Variants in DNAH6 observed in about 807,000 individuals in gnomAD.
DNAH6 encodes the protein dynein axonemal heavy chain 6.
A neutral mutation model predicts 491.4 loss-of-function variants in DNAH6; 340 were observed. That is an observed-to-expected ratio of 0.69 (90% confidence interval 0.63 to 0.76). The LOEUF (loss-of-function observed/expected upper bound fraction) is 0.76, where lower values mean the gene tolerates loss of function less well. Ranked by LOEUF, DNAH6 falls within the 30% of genes least tolerant of loss-of-function variation. DNAH6 has a pLI of 0.00. For missense variants in DNAH6, 4,443 were observed against 4,972.2 expected, an observed-to-expected ratio of 0.89 and a Z score of 3.20; for synonymous variants, 1,603 against 1,686.1, an observed-to-expected ratio of 0.95 and a Z score of 1.21.
intron 60 of DNAH6, among the ~76,000 whole-genome samples, chr2:84,726,754 C>G (rs995119761): frequency 1.1e-4 from 16 of 151,268 alleles, no homozygotes; most frequent in African/African-American, 3.4e-4. Context: ...GCACATGTAC[C>G]CTAAAACTTA....
intron 31 of DNAH6, among the ~76,000 whole-genome samples, chr2:84,639,158 G>A (rs1689145266): frequency 6.6e-6 from 1 of 152,140 alleles, no homozygotes; most frequent in Non-Finnish European, 1.5e-5. Context: ...GCATGGTGGG[G>A]TGGGGGGCAG....
Position 84,770,618 on chromosome 2 carries a change from G to T in DNAH6, c.10703+7673G>T, listed in dbSNP as rs375133333. Among the ~76,000 whole-genome samples the T allele has an allele frequency of 3.9e-5, 6 of 152,180 alleles. 1 individual carries two copies. The Middle Eastern group carries it at 0.01, about 259-fold the overall frequency. On this transcript the variant is annotated intron_variant, in intron 64 of 76. Coordinates refer to ENST00000389394, the MANE Select transcript of DNAH6 (RefSeq NM_001370.2). ...ATACAACAATAGATGTTAAGAAACA[G>T]AAGAAAATGTCACGAACATGCAGAT... is the stretch of plus-strand genomic sequence containing the variant.
At position 84,735,522 on chromosome 2, in the gene DNAH6, G is replaced by A. The variant is rs528063238; in HGVS notation, c.10342+1943G>A. Reference sequence around the variant, plus strand: ...TTGTATTCTCAGCAACAGTATGTAAGCATTCTCTTTTCTCCACAACCTTGC... The same window carrying A: ...TTGTATTCTCAGCAACAGTATGTAAACATTCTCTTTTCTCCACAACCTTGC... On this transcript the variant is annotated intron_variant, in intron 62 of 76. Transcript: ENST00000389394. 1.8e-4 allele frequency among the ~76,000 whole-genome samples: 28 copies of A among 152,274 alleles called. No homozygotes were observed. In the South Asian group the frequency reaches 5.8e-3, roughly 32 times the overall value.
At chr2:84,527,195 T>C (rs546872337) in intron 3 of DNAH6, among the ~76,000 whole-genome samples, 3 of 152,174 alleles carry the variant, frequency 2.0e-5, no homozygotes, top group Non-Finnish European at 4.4e-5. Flanking sequence ...CTCTGTTAAT[T>C]AAGGAAGAAA....
rs1461656808 is a variant in DNAH6 at position 84,813,996 on chromosome 2, A to G, written c.12024A>G (p.Lys4008=). 12 of 1,551,610 alleles carry G rather than the reference A, an allele frequency of 7.7e-6. No individual in the cohort carries two copies. The Middle Eastern group carries it at 6.7e-4, about 86-fold the overall frequency. ...GAACTCTTCAAAATCATGCTCGAAA[A>G]TACAATTTGCCTATAGATGAGCTGA... The part of the protein sequence containing the change: ...LTGTLQNHAR[K]YNLPIDELSF... The change falls in exon 75 of 77, where the codon AAA becomes AAG. Residue 4008 remains lysine, a synonymous_variant. Transcript: ENST00000389394.
At position 84,589,628 on chromosome 2, in the gene DNAH6, T is replaced by C. The variant is rs142495731; in HGVS notation, c.2610+674T>C. Reference sequence around the variant, plus strand: ...TTGGGAGGCTAAACGGGGAGGATCATTTGAGCCCAGGAGGCGGAGGTTGCG... The same window carrying C: ...TTGGGAGGCTAAACGGGGAGGATCACTTGAGCCCAGGAGGCGGAGGTTGCG... On this transcript the variant is annotated intron_variant, in intron 16 of 76. Transcript: ENST00000389394. 1.3e-3 allele frequency among the ~76,000 whole-genome samples: 193 copies of C among 150,660 alleles called. 1 individual carries two copies. The highest frequency in any genetic ancestry group is 3.4e-3 in the Middle Eastern group (1 of 290).
Position 84,521,769 on chromosome 2 carries a change from G to C in DNAH6, c.225+3718G>C, listed in dbSNP as rs145663270. 3.5e-3 allele frequency among the ~76,000 whole-genome samples: 538 copies of C among 152,250 alleles called. 4 individuals carry two copies. Among genetic ancestry groups the C allele is most frequent in the African/African-American group, 0.012 (517 of 41,556 alleles). On this transcript the variant is annotated intron_variant, in intron 2 of 76. Transcript: ENST00000389394. ...GCTTGTTTTTGTCAGCTTTGTCAAA[G>C]ATGACATGGTTGTACATGTGCGGCC... is the stretch of plus-strand genomic sequence containing the variant.
intron 53 of DNAH6, 93 bp downstream of exon 53, chr2:84,707,112 A>T: frequency 7.5e-7 from 1 of 1,331,766 alleles, no homozygotes; most frequent in East Asian, 2.7e-5. Flanking sequence ...GCTTTTATCC[A>T]ATGTGTAGAA....
At chr2:84,507,929 G>C in the DNAH6 span, among the ~76,000 whole-genome samples, 1 of 152,208 alleles carries the variant, frequency 6.6e-6, no homozygotes, top group East Asian at 1.9e-4. Flanking sequence ...ACTTGATCGT[G>C]GTGGATAAGC....
chr2:84,521,356 G>A (rs560516657), intron 2 of DNAH6, among the ~76,000 whole-genome samples: 4 of 151,588 alleles, frequency 2.6e-5, no homozygotes, highest in South Asian at 2.1e-4. Context: ...TTTGTTTCTT[G>A]TAGATTCTGG....
At chr2:84,728,828 G>T (rs964552100) in intron 61 of DNAH6, among the ~76,000 whole-genome samples, 6 of 151,880 alleles carry the variant, frequency 4.0e-5, no homozygotes, top group African/African-American at 1.5e-4. Context: ...ATACCACAAA[G>T]CTAGTGGCCC....
rs1678571038 is a variant in DNAH6, at chr2:84,544,381, C to T, written c.811C>T (p.Pro271Ser). The change falls in exon 5 of 77, where the codon CCC (proline) becomes TCC (serine). Residue 271 changes from proline to serine, a missense_variant. Around this residue, in one of 3 missense-constraint regions of DNAH6, gnomAD observed 2,977 missense variants for 3,296.6 expected, o/e 0.90. Coordinates refer to ENST00000389394, the MANE Select transcript of DNAH6 (RefSeq NM_001370.2). ...GTATCACAGAGAACTCACTAAGATTCCCATATTTTCACTGTTCCGGAAATG... is the reference window on the plus strand; with the variant it reads ...GTATCACAGAGAACTCACTAAGATTTCCATATTTTCACTGTTCCGGAAATG... ...YLYHRELTKI[P>S]IFSLFRKWKA... 1.3e-6 allele frequency: 2 copies of T among 1,545,922 alleles called. No individual in the cohort carries two copies. The highest frequency in any genetic ancestry group is 1.7e-4 in the Middle Eastern group (1 of 6,002).
At chr2:84,535,639 C>T (rs1477022489) in intron 4 of DNAH6, among the ~76,000 whole-genome samples, 1 of 150,774 alleles carries the variant, frequency 6.6e-6, no homozygotes, top group East Asian at 1.9e-4. Context: ...TGTGATTTTA[C>T]CAGCTTGTGT....
At chr2:84,516,818 A>C (rs1395985288) in intron 1 of DNAH6, among the ~76,000 whole-genome samples, 1 of 152,186 alleles carries the variant, frequency 6.6e-6, no homozygotes. Context: ...CTGCGCTGTT[A>C]AATACGGTAA....
At chr2:84,639,686 C>T (rs1224143947) in intron 31 of DNAH6, among the ~76,000 whole-genome samples, 1 of 152,074 alleles carries the variant, frequency 6.6e-6, no homozygotes, top group Non-Finnish European at 1.5e-5. Flanking sequence ...TCCCAAAGTG[C>T]TGGGATTACA....
Position 84,611,782 on chromosome 2 carries a change from G to A in DNAH6, c.3403G>A (p.Asp1135Asn), listed in dbSNP as rs1268747832. ...PAEAKMFLQV[D>N]KSWKEIMRKV... ...AGAGGCCAAGATGTTCCTTCAGGTG[G>A]ATAAGTCATGGAAAGAAATCATGAG... The change falls in exon 22 of 77, where the codon GAT becomes AAT. Residue 1135 changes from aspartate to asparagine, a missense_variant. Physicochemically the swap from Asp to Asn is conservative, Grantham distance 23. This residue lies in a region of DNAH6 where 2,977 missense variants were observed against 3,296.6 expected (regional missense o/e 0.90). Transcript: ENST00000389394. The A allele has an allele frequency of 2.0e-5, 31 of 1,551,234 alleles. No individual in the cohort carries two copies. Among genetic ancestry groups the A allele is most frequent in the Non-Finnish European group, 2.6e-5 (30 of 1,146,662 alleles).
intron 37 of DNAH6, among the ~76,000 whole-genome samples, chr2:84,662,735 G>C (rs995505254): frequency 1.1e-4 from 17 of 152,322 alleles, no homozygotes; most frequent in East Asian, 1.9e-4. Flanking sequence ...GTCCCTGTCT[G>C]ACAGCTTTGA....
At chr2:84,471,317 G>A in the DNAH6 span, among the ~76,000 whole-genome samples, 2 of 152,214 alleles carry the variant, frequency 1.3e-5, no homozygotes, top group African/African-American at 4.8e-5. Context: ...TTGCTGCTCA[G>A]TGCTCCAGCT....
chr2:84,723,229 A>AAAAAAAT lies in DNAH6; in HGVS notation c.9972+439_9972+445dup, dbSNP rs113529924. Among the ~76,000 whole-genome samples the AAAAAAAT allele has an allele frequency of 8.1e-3, 1,234 of 152,184 alleles. 16 individuals carry two copies. Among genetic ancestry groups the AAAAAAAT allele is most frequent in the African/African-American group, 0.028 (1,156 of 41,520 alleles). On this transcript the variant is annotated intron_variant, in intron 60 of 76. Transcript: ENST00000389394. ...GGCGACAGAGCGAGACTCTGTCTCA[A>AAAAAAAT]AAAAAATAAAAAATAAAAAAGAGTG...
Sources: gnomAD v4.1 joint callset for allele counts (sites outside exome capture counted in the v4.1 genomes callset) on GRCh38, gnomAD v4.1.1 for gene constraint, gnomAD v4.1.1 regional missense constraint, MANE v1.5 for transcripts, NCBI Gene and HGNC (gene_info 2026-07-23, HGNC 2026-07-21) for gene names.